Variants in BCO2 observed in about 807,000 individuals in gnomAD.
BCO2 encodes beta-carotene oxygenase 2, also known as carotenoid-cleaving dioxygenase, mitochondrial.
In BCO2, 56 loss-of-function variants were observed where a neutral mutation model predicts 65.8. The ratio of observed to expected loss-of-function variants is 0.85; its 90% CI spans 0.69 to 1.06. The LOEUF (loss-of-function observed/expected upper bound fraction) is 1.06. Among genes scored for constraint, BCO2 ranks in the 50% least tolerant of loss-of-function variants. The pLI, the probability that BCO2 is intolerant of heterozygous loss-of-function variation, is 0.00. For synonymous variants in BCO2, 233 were observed against 242.3 expected (o/e 0.96, Z 0.36); for missense variants, 675 against 698.5 (o/e 0.97, Z 0.38).
intron 11 of BCO2, among the ~76,000 whole-genome samples, chr11:112,217,207 T>C (rs1377677080): frequency 6.6e-6 from 1 of 152,240 alleles, no homozygotes; most frequent in Admixed American, 6.5e-5. Context: ...ATTTCTTTGC[T>C]GTAGGTATGA....
chr11:112,176,733 A>T (rs11214112), intron 1 of BCO2, among the ~76,000 whole-genome samples: 38,248 of 152,054 alleles, frequency 0.25, 5,004 homozygotes, highest in Admixed American at 0.3. Flanking sequence ...TTTATATTTG[A>T]TTATGACAAC....
In BCO2 at chr11:112,216,280, A is replaced by G; in HGVS notation, c.1576A>G (p.Asn526Asp). Residue 526 changes from asparagine to aspartate, a missense_variant, in exon 11 of 12, where the codon AAT (asparagine) becomes GAT (aspartate). Transcript: ENST00000357685. ...EPVFVPAPGT[N>D]EEDGGVILSV... ...TGTTTTTGTTCCAGCACCAGGAACC[A>G]ATGAAGAAGATGGTGGGGTTATTCT... 1 of 1,614,208 alleles carries G rather than the reference A, an allele frequency of 6.2e-7. No homozygotes were observed. The highest frequency in any genetic ancestry group is 1.1e-5 in the South Asian group (1 of 91,086).
chr11:112,176,448 G>A (rs1866882899), intron 1 of BCO2: 1 of 134,392 alleles, frequency 7.4e-6, no homozygotes, highest in Non-Finnish European at 1.5e-5. Flanking sequence ...GGATCTTGAA[G>A]GATGAGTTAG....
chr11:112,215,274 G>C (rs1251529404), intron 10 of BCO2: 2 of 322,220 alleles, frequency 6.2e-6, no homozygotes, highest in African/African-American at 4.4e-5. Flanking sequence ...ATGGAATCTG[G>C]GACTGCAAAG....
chr11:112,214,331 T>G (rs1219207514), intron 9 of BCO2, among the ~76,000 whole-genome samples: 3 of 152,110 alleles, frequency 2.0e-5, no homozygotes, highest in African/African-American at 7.2e-5. Context: ...GTATTTTTAG[T>G]TGAGATGGGG....
intron 8 of BCO2, 132 bp from the exon 9 acceptor site, chr11:112,213,592 T>G (rs1859573289): frequency 1.0e-6 from 1 of 1,000,214 alleles, no homozygotes; most frequent in African/African-American, 1.6e-5. Context: ...AAATATTAAG[T>G]AGATGAATGA....
intron 5 of BCO2, among the ~76,000 whole-genome samples, chr11:112,197,059 A>G (rs550344341): frequency 6.6e-6 from 1 of 150,970 alleles, no homozygotes; most frequent in Non-Finnish European, 1.5e-5. Flanking sequence ...CTCAGGCTGG[A>G]CTTGAACTCC....
Position 112,200,772 on chromosome 11 carries a change from A to C in BCO2, c.1025A>C (p.Gln342Pro). ...CATGTGGTGGAAAAACGCACTGGAC[A>C]GGTGGAGTATTTTGAGTATATTTAT... Reference protein sequence around the residue: ...RFHVVEKRTGQLLPGRYYSKP... With the variant: ...RFHVVEKRTGPLLPGRYYSKP... Residue 342 changes from glutamine to proline, a missense_variant and splice_region_variant, in exon 7 of 12, where the codon CAG (glutamine) becomes CCG (proline). Gln to Pro is a moderately conservative substitution (Grantham distance 76). Coordinates refer to ENST00000357685, the MANE Select transcript of BCO2 (RefSeq NM_031938.7). 6 of 1,612,650 alleles carry C rather than the reference A, an allele frequency of 3.7e-6. No individual in the cohort carries two copies. Among genetic ancestry groups the C allele is most frequent in the Non-Finnish European group, 4.2e-6 (5 of 1,179,628 alleles).
intron 2 of BCO2, among the ~76,000 whole-genome samples, chr11:112,187,761 G>C (rs1867244035): frequency 6.6e-6 from 1 of 151,822 alleles, no homozygotes; most frequent in Admixed American, 6.6e-5. Context: ...ATAACTCTTA[G>C]AGCTCACCTT....
At chr11:112,188,797 A>C (rs1592842040) in intron 2 of BCO2, among the ~76,000 whole-genome samples, 1 of 149,564 alleles carries the variant, frequency 6.7e-6, no homozygotes, top group African/African-American at 2.5e-5. Flanking sequence ...AGCAGCAATC[A>C]CTTTGTATCC....
intron 9 of BCO2, among the ~76,000 whole-genome samples, chr11:112,214,222 C>T (rs1440225539): frequency 2.0e-5 from 3 of 152,180 alleles, no homozygotes; most frequent in African/African-American, 7.2e-5. Context: ...TCTCGGCTCA[C>T]TGCAGCCTCT....
At chr11:112,190,420 C>T (rs1375837049) in intron 2 of BCO2, among the ~76,000 whole-genome samples, 3 of 152,014 alleles carry the variant, frequency 2.0e-5, no homozygotes, top group Non-Finnish European at 4.4e-5. Flanking sequence ...ACAAGTTAGG[C>T]TTATTATTAG....
intron 5 of BCO2, among the ~76,000 whole-genome samples, chr11:112,197,319 C>T (rs575793816): frequency 3.9e-4 from 60 of 152,134 alleles, no homozygotes; most frequent in African/African-American, 1.3e-3. Context: ...GAGGCCAAGG[C>T]GGGTGTATTG....
intron 2 of BCO2, among the ~76,000 whole-genome samples, chr11:112,182,496 A>G (rs532451215): frequency 7.2e-5 from 11 of 152,364 alleles, no homozygotes; most frequent in African/African-American, 1.9e-4. Flanking sequence ...TGTGGCACAT[A>G]TACACCATGG....
chr11:112,179,520 G>A (rs1165653426), intron 2 of BCO2, 38 bp downstream of exon 2: 1 of 1,567,334 alleles, frequency 6.4e-7, no homozygotes, highest in Non-Finnish European at 8.8e-7. Context: ...GGATTTCTTG[G>A]CATGGGCTGG....
chr11:112,212,731 G>A (rs995019225), intron 8 of BCO2, among the ~76,000 whole-genome samples: 1 of 152,152 alleles, frequency 6.6e-6, no homozygotes, highest in Non-Finnish European at 1.5e-5. Flanking sequence ...TTTTATTGGG[G>A]ATGAATCATA....
At chr11:112,176,691 AG>A (rs1231299339) in intron 1 of BCO2, among the ~76,000 whole-genome samples, 3 of 152,204 alleles carry the variant, frequency 2.0e-5, no homozygotes, top group African/African-American at 7.2e-5. Flanking sequence ...GAGCCCATAA[AG>A]GGAATTAACA....
rs1866961409 is a variant in BCO2, at chr11:112,179,205, G to A, written c.89-73G>A. On this transcript the variant is annotated intron_variant, in intron 1 of 11. Transcript: ENST00000357685. The stretch of plus-strand genomic sequence containing the variant: ...CAAGCTGCCAGTTGATAAGATTATT[G>A]TCTGTGGGAAACAGGCAAGTTTATA... The A allele has an allele frequency of 2.9e-6, 4 of 1,402,762 alleles. No homozygotes were observed. In the South Asian group the frequency reaches 4.7e-5, roughly 16 times the overall value. The allele number at this position is 1,402,762 out of a possible 1,614,324, so 86.9% of individuals were successfully genotyped here. A position where few individuals can be genotyped will look rare whatever the true frequency, so the allele number is the denominator to read the frequency against.
intron 2 of BCO2, among the ~76,000 whole-genome samples, chr11:112,186,377 G>A (rs10891334): frequency 0.39 from 58,716 of 152,032 alleles, 11,777 homozygotes; most frequent in South Asian, 0.6. Flanking sequence ...TTCAGAGCCA[G>A]TGGTGGGCAT....
Sources: allele counts gnomAD v4.1 joint callset (sites outside exome capture counted in the v4.1 genomes callset), GRCh38; gene constraint gnomAD v4.1.1; transcripts MANE v1.5; gene names NCBI Gene and HGNC (gene_info 2026-07-23, HGNC 2026-07-21).